The following FNDC3B variants were observed in gnomAD, a reference collection of about 807,000 sequenced individuals.
The protein encoded by FNDC3B is fibronectin type III domain containing 3B.
FNDC3B carries 12 observed loss-of-function variants against 151.5 expected under a neutral mutation model. That is an observed-to-expected ratio of 0.08 (90% CI 0.05 to 0.13). The LOEUF (loss-of-function observed/expected upper bound fraction) is 0.13. Among genes scored for constraint, FNDC3B ranks in the 10% least tolerant of loss-of-function variants. FNDC3B has a pLI of 1.00. For missense variants in FNDC3B, 1,214 were observed against 1,505.3 expected (o/e 0.81, Z 3.20); for synonymous variants, 528 against 549.0 (o/e 0.96, Z 0.54).
chr3:172,055,612 T>G (rs1716876232), intron 1 of FNDC3B, among the ~76,000 whole-genome samples: 1 of 152,090 alleles, frequency 6.6e-6, no homozygotes, highest in Non-Finnish European at 1.5e-5. Context: ...TTTAGCTTCA[T>G]TTAGTGTGAT....
chr3:172,170,681 G>A (rs988327066), intron 3 of FNDC3B, among the ~76,000 whole-genome samples: 4 of 152,178 alleles, frequency 2.6e-5, no homozygotes, highest in Non-Finnish European at 4.4e-5. Flanking sequence ...AAGAAATAGG[G>A]TTGTATATTG....
intron 3 of FNDC3B, among the ~76,000 whole-genome samples, chr3:172,223,446 T>C (rs1409893282): frequency 6.6e-6 from 1 of 152,238 alleles, no homozygotes; most frequent in African/African-American, 2.4e-5. Flanking sequence ...GTCATTTGGC[T>C]ACTCTTGAAA....
At chr3:172,165,741 G>A (rs961101525) in intron 3 of FNDC3B, among the ~76,000 whole-genome samples, 3 of 152,156 alleles carry the variant, frequency 2.0e-5, no homozygotes, top group African/African-American at 7.2e-5. Context: ...CTCAGAAGAT[G>A]TCCACATTAG....
chr3:172,340,145 C>T (rs1733220168), intron 16 of FNDC3B, among the ~76,000 whole-genome samples: 1 of 152,212 alleles, frequency 6.6e-6, no homozygotes, highest in East Asian at 1.9e-4. Context: ...GCCCTGGGTG[C>T]CCTTGCTTCT....
At chr3:172,062,115 T>C (rs1217140471) in intron 1 of FNDC3B, among the ~76,000 whole-genome samples, 3 of 152,172 alleles carry the variant, frequency 2.0e-5, no homozygotes, top group Admixed American at 6.5e-5. Context: ...ATAAAGGACA[T>C]GTCCGGAAGC....
At chr3:172,338,980 A>C (rs1420428391) in intron 16 of FNDC3B, among the ~76,000 whole-genome samples, 2 of 151,668 alleles carry the variant, frequency 1.3e-5, no homozygotes, top group Non-Finnish European at 2.9e-5. Context: ...CTCGTGATCC[A>C]CCCACCTCGG....
intron 3 of FNDC3B, among the ~76,000 whole-genome samples, chr3:172,189,857 T>C (rs1724416139): frequency 1.3e-5 from 2 of 151,370 alleles, no homozygotes; most frequent in Admixed American, 1.3e-4. Flanking sequence ...CATGTTTTTA[T>C]TATTTTTTCA....
rs577594991 is a variant in FNDC3B, at chr3:172,384,463, C to T, written c.3303+3370C>T. 4.6e-5 allele frequency among the ~76,000 whole-genome samples: 7 copies of T among 152,246 alleles called. No individual in the cohort carries two copies. In the East Asian group the frequency reaches 1.3e-3, roughly 29 times the overall value. Reference sequence around the variant, plus strand: ...AGAGAGCAGAGAATTTATTCTGTTCCATAGCAATGTGAAAATGGTTAAAAT... The same window carrying T: ...AGAGAGCAGAGAATTTATTCTGTTCTATAGCAATGTGAAAATGGTTAAAAT... On this transcript the variant is annotated intron_variant, in intron 25 of 25. Coordinates refer to ENST00000415807, the MANE Select transcript of FNDC3B (RefSeq NM_022763.4).
intron 3 of FNDC3B, among the ~76,000 whole-genome samples, chr3:172,175,860 A>G (rs6805759): frequency 0.41 from 61,874 of 152,078 alleles, 15,002 homozygotes; most frequent in Non-Finnish European, 0.52. Flanking sequence ...CTGCCCTAAT[A>G]TTTTTTGTTT....
At chr3:172,269,284 A>G (rs970213426) in intron 6 of FNDC3B, among the ~76,000 whole-genome samples, 16 of 150,894 alleles carry the variant, frequency 1.1e-4, no homozygotes, top group African/African-American at 3.7e-4. Flanking sequence ...TTCCTTTCCT[A>G]GGCTCTCTCT....
intron 4 of FNDC3B, 161 bp downstream of exon 4, chr3:172,227,108 G>T: frequency 3.5e-6 from 2 of 564,320 alleles, no homozygotes; most frequent in Non-Finnish European, 3.3e-6. Context: ...CTTGTGTCTT[G>T]CCACTTGACG....
chr3:172,276,673 C>A (rs767166801), intron 6 of FNDC3B, among the ~76,000 whole-genome samples: 10 of 152,192 alleles, frequency 6.6e-5, no homozygotes, highest in Non-Finnish European at 1.0e-4. Flanking sequence ...CAGCAGTGTG[C>A]ATGTTCTCAT....
chr3:172,336,435 C>A (rs148816606), intron 15 of FNDC3B, among the ~76,000 whole-genome samples: 2 of 152,272 alleles, frequency 1.3e-5, no homozygotes, highest in African/African-American at 4.8e-5. Flanking sequence ...TCTGCTGGTG[C>A]ACTGGTTCTC....
intron 3 of FNDC3B, among the ~76,000 whole-genome samples, chr3:172,201,940 C>G (rs1237515239): frequency 6.6e-6 from 1 of 152,204 alleles, no homozygotes; most frequent in Non-Finnish European, 1.5e-5. Flanking sequence ...TTTTATCTGG[C>G]AGCTCTACTT....
intron 1 of FNDC3B, among the ~76,000 whole-genome samples, chr3:172,104,300 A>G (rs541545440): frequency 1.3e-5 from 2 of 152,294 alleles, no homozygotes; most frequent in African/African-American, 4.8e-5. Context: ...ATTTTATAAG[A>G]GGAAATTAAT....
At chr3:172,259,438 A>G (rs1024373139) in intron 6 of FNDC3B, among the ~76,000 whole-genome samples, 1 of 152,172 alleles carries the variant, frequency 6.6e-6, no homozygotes, top group Non-Finnish European at 1.5e-5. Context: ...ACGCCTTGCA[A>G]CTGTCTATGT....
At chr3:172,198,438 A>G (rs1383073802) in intron 3 of FNDC3B, among the ~76,000 whole-genome samples, 1 of 152,204 alleles carries the variant, frequency 6.6e-6, no homozygotes, top group Non-Finnish European at 1.5e-5. Context: ...ATGTAGTTTG[A>G]TATCAAGGAG....
intron 7 of FNDC3B, among the ~76,000 whole-genome samples, chr3:172,294,707 A>G (rs186921261): frequency 6.6e-6 from 1 of 152,354 alleles, no homozygotes. Context: ...CACCTCTGGA[A>G]GATGGAGTAG....
chr3:172,150,234 G>A (rs1722151101), intron 3 of FNDC3B, among the ~76,000 whole-genome samples: 2 of 151,888 alleles, frequency 1.3e-5, no homozygotes, highest in Non-Finnish European at 2.9e-5. Flanking sequence ...ACAATTATTG[G>A]GTCCCAGAAT....
Sources: allele counts gnomAD v4.1 joint callset (sites outside exome capture counted in the v4.1 genomes callset), GRCh38; gene constraint gnomAD v4.1.1; transcripts MANE v1.5; gene names NCBI Gene and HGNC (gene_info 2026-07-23, HGNC 2026-07-21).